Variants in GRIN2A observed in about 807,000 individuals in gnomAD.
GRIN2A encodes the protein glutamate receptor ionotropic, NMDA 2A.
Under a neutral mutation model 113.4 loss-of-function variants are expected in GRIN2A, and 22 were observed. The ratio of observed to expected loss-of-function variants is 0.19; its 90% CI spans 0.14 to 0.28. The LOEUF is 0.28. Among genes scored for constraint, GRIN2A ranks in the 10% least tolerant of loss-of-function variants. GRIN2A has a pLI of 1.00. For synonymous variants in GRIN2A, 827 were observed against 738.4 expected, an observed-to-expected ratio of 1.12 and a Z score of -1.94; for missense variants, 1,502 against 1,887.0, an observed-to-expected ratio of 0.80 and a Z score of 3.78.
At chr16:10,082,632 TG>T (rs1224254043) in intron 2 of GRIN2A, among the ~76,000 whole-genome samples, 1 of 152,208 alleles carries the variant, frequency 6.6e-6, no homozygotes, top group African/African-American at 2.4e-5. Flanking sequence ...GCTCAGAGAC[TG>T]GAAGCAGCAG....
At chr16:10,015,252 CAAAAAAAAAAA>C (rs200124835) in intron 2 of GRIN2A, among the ~76,000 whole-genome samples, 10 of 19,318 alleles carry the variant, frequency 5.2e-4, no homozygotes, top group Non-Finnish European at 6.3e-4. Flanking sequence ...GACTTCATCT[CAAAAAAAAAAA>C]AAAAAAAAGA....
chr16:9,932,973 G>A (rs541755265), intron 3 of GRIN2A, among the ~76,000 whole-genome samples: 2 of 152,118 alleles, frequency 1.3e-5, no homozygotes, highest in African/African-American at 2.4e-5. Context: ...TGATGGAACC[G>A]GACACAACAG....
chr16:9,977,628 C>G (rs966801212), intron 2 of GRIN2A, among the ~76,000 whole-genome samples: 2 of 152,140 alleles, frequency 1.3e-5, no homozygotes, highest in African/African-American at 4.8e-5. Flanking sequence ...AACCACAGCA[C>G]ACGTTCAGGC....
intron 2 of GRIN2A, chr16:9,943,015 G>A (rs2044924310): frequency 1.3e-5 from 2 of 152,318 alleles, no homozygotes; most frequent in South Asian, 2.1e-4. Flanking sequence ...AGGACATGAT[G>A]GGGAATCTGG....
At chr16:10,158,966 G>A (rs1262706980) in intron 2 of GRIN2A, among the ~76,000 whole-genome samples, 4 of 152,174 alleles carry the variant, frequency 2.6e-5, no homozygotes, top group Non-Finnish European at 2.9e-5. Flanking sequence ...TGGCCAAAAT[G>A]TTGTGAAGGT....
intron 10 of GRIN2A, among the ~76,000 whole-genome samples, chr16:9,803,574 T>G (rs1488124405): frequency 6.6e-6 from 1 of 152,244 alleles, no homozygotes; most frequent in Non-Finnish European, 1.5e-5. Context: ...TCAGATTTTA[T>G]GCCAAAGGGG....
intron 3 of GRIN2A, among the ~76,000 whole-genome samples, chr16:9,914,055 A>G (rs1269822153): frequency 6.6e-6 from 1 of 152,144 alleles, no homozygotes; most frequent in Non-Finnish European, 1.5e-5. Flanking sequence ...GAGGCTCCCA[A>G]GAATGTTTGA....
intron 2 of GRIN2A, among the ~76,000 whole-genome samples, chr16:10,173,404 C>T (rs1410158735): frequency 6.6e-6 from 1 of 152,206 alleles, no homozygotes. Flanking sequence ...ACAGGCCTTT[C>T]GTATGTAACC....
At chr16:9,974,302 C>G (rs931170497) in intron 2 of GRIN2A, among the ~76,000 whole-genome samples, 3 of 152,156 alleles carry the variant, frequency 2.0e-5, no homozygotes, top group Non-Finnish European at 4.4e-5. Context: ...CCTGGGCCTG[C>G]CTGACCTAAG....
At chr16:9,820,940 G>A (rs944472434) in intron 10 of GRIN2A, among the ~76,000 whole-genome samples, 1 of 152,160 alleles carries the variant, frequency 6.6e-6, no homozygotes, top group Non-Finnish European at 1.5e-5. Flanking sequence ...CTGAATAAAT[G>A]CTCTCCCAGC....
intron 2 of GRIN2A, among the ~76,000 whole-genome samples, chr16:10,100,407 TCA>T (rs996625658): frequency 6.6e-6 from 1 of 152,192 alleles, no homozygotes. Context: ...GAGTGTTGGA[TCA>T]CAGAGCTGCT....
chr16:9,977,818 C>T (rs181708516), intron 2 of GRIN2A, among the ~76,000 whole-genome samples: 1 of 152,226 alleles, frequency 6.6e-6, no homozygotes, highest in African/African-American at 2.4e-5. Flanking sequence ...TGAGTAAATA[C>T]CTCTCTTAGC....
At chr16:9,974,469 A>G (rs561793479) in intron 2 of GRIN2A, among the ~76,000 whole-genome samples, 3 of 152,270 alleles carry the variant, frequency 2.0e-5, no homozygotes, top group South Asian at 4.1e-4. Context: ...TGCTTGCTCA[A>G]TCGATCACGA....
chr16:10,006,040 G>A (rs1044950657), intron 2 of GRIN2A, among the ~76,000 whole-genome samples: 3 of 152,278 alleles, frequency 2.0e-5, no homozygotes, highest in East Asian at 1.9e-4. Flanking sequence ...ATCTATGTAA[G>A]GATGTAGGCT....
intron 2 of GRIN2A, 103 bp downstream of exon 2, chr16:10,179,895 C>CAAAAAAAAAAAA: frequency 3.7e-6 from 3 of 808,166 alleles, no homozygotes; most frequent in Non-Finnish European, 6.2e-6. Context: ...CCCACCCCCA[C>CAAAAAAAAAAAA]TTCACATCAA....
chr16:9,797,679 G>A (rs1026022729), intron 11 of GRIN2A, among the ~76,000 whole-genome samples: 3 of 152,174 alleles, frequency 2.0e-5, no homozygotes, highest in Admixed American at 6.5e-5. Context: ...TCTCTGGAGT[G>A]AAATTGGGAC....
intron 2 of GRIN2A, among the ~76,000 whole-genome samples, chr16:10,010,105 A>T (rs983444094): frequency 2.6e-5 from 4 of 152,276 alleles, no homozygotes; most frequent in Admixed American, 6.5e-5. Context: ...ACTCCCTAGT[A>T]CTGTGCCCTC....
intron 3 of GRIN2A, among the ~76,000 whole-genome samples, chr16:9,928,320 T>C (rs1363744633): frequency 6.6e-6 from 1 of 152,172 alleles, no homozygotes. Context: ...TTTTGGCCTA[T>C]ATATAGATAG....
At chr16:9,816,506 AACAC>A (rs1310786479) in intron 10 of GRIN2A, among the ~76,000 whole-genome samples, 14 of 152,294 alleles carry the variant, frequency 9.2e-5, no homozygotes, top group Admixed American at 2.6e-4. Flanking sequence ...TTAAAAGAAA[AACAC>A]AAACTATCCC....
Sources: allele counts gnomAD v4.1 joint callset (sites outside exome capture counted in the v4.1 genomes callset), GRCh38; gene constraint gnomAD v4.1.1; transcripts MANE v1.5; gene names NCBI Gene and HGNC (gene_info 2026-07-23, HGNC 2026-07-21).